The following ZMYM4 variants were observed in gnomAD, a reference collection of about 807,000 sequenced individuals.
The protein encoded by ZMYM4 is zinc finger MYM-type containing 4.
A neutral mutation model predicts 183.2 loss-of-function variants in ZMYM4; 31 were observed. That is an observed-to-expected ratio of 0.17 (90% CI 0.13 to 0.23). The LOEUF (loss-of-function observed/expected upper bound fraction) is 0.23. ZMYM4 is among the 10% of genes least tolerant of loss of function. ZMYM4 has a pLI of 1.00. For missense variants in ZMYM4, 1,273 were observed against 1,840.3 expected (o/e 0.69, Z 5.64); for synonymous variants, 592 against 631.2 (o/e 0.94, Z 0.93).
rs370568857 is a variant in ZMYM4, at chr1:35,295,552, C to G, written c.39+26467C>G. Among the ~76,000 whole-genome samples the G allele has an allele frequency of 2.1e-4, 32 of 152,282 alleles. No individual in the cohort carries two copies. In the East Asian group the frequency reaches 5.2e-3, roughly 25 times the overall value. On this transcript the variant is annotated intron_variant, in intron 1 of 29. Transcript: ENST00000314607. Reference sequence around the variant, plus strand: ...ACGTTTCAGCATCCCTGGTTTCTATCTACTAGATTTCAACAGCACACCCAA... The same window carrying G: ...ACGTTTCAGCATCCCTGGTTTCTATGTACTAGATTTCAACAGCACACCCAA...
chr1:35,342,301 T>A (rs1178493236), intron 2 of ZMYM4, among the ~76,000 whole-genome samples: 1 of 151,456 alleles, frequency 6.6e-6, no homozygotes, highest in African/African-American at 2.4e-5. Context: ...ACCACAGGCA[T>A]GTGCCACCAT....
intron 23 of ZMYM4, among the ~76,000 whole-genome samples, chr1:35,401,823 G>A (rs780877686): frequency 1.3e-5 from 2 of 152,048 alleles, no homozygotes; most frequent in Admixed American, 6.6e-5. Flanking sequence ...TTTTGAATAT[G>A]GACATCCAGT....
intron 1 of ZMYM4, among the ~76,000 whole-genome samples, chr1:35,324,658 T>C (rs964460945): frequency 6.6e-6 from 1 of 152,208 alleles, no homozygotes; most frequent in Non-Finnish European, 1.5e-5. Context: ...CTTCTTACAG[T>C]AGGCAAGGTT....
At chr1:35,397,052 G>A in intron 19 of ZMYM4, 1 of 1,029,090 alleles carries the variant, frequency 9.7e-7, no homozygotes, top group Non-Finnish European at 1.2e-6. Flanking sequence ...TTTTTCCCAG[G>A]TACTGAGTCC....
intron 25 of ZMYM4, among the ~76,000 whole-genome samples, chr1:35,406,037 T>A (rs1644997267): frequency 6.6e-6 from 1 of 152,258 alleles, no homozygotes; most frequent in African/African-American, 2.4e-5. Context: ...GTAAAATACT[T>A]ATACAATCTT....
At chr1:35,366,899 C>A (rs1258517985) in intron 5 of ZMYM4, among the ~76,000 whole-genome samples, 3 of 151,876 alleles carry the variant, frequency 2.0e-5, no homozygotes, top group African/African-American at 7.3e-5. Context: ...TGGTGCATGC[C>A]TGTAATCACA....
Position 35,421,451 on chromosome 1 carries a change from G to A in ZMYM4, c.*1774G>A, listed in dbSNP as rs1421895088. The A allele has an allele frequency of 6.6e-6, 1 of 152,572 alleles. No individual in the cohort carries two copies. The highest frequency in any genetic ancestry group is 1.5e-5 in the Non-Finnish European group (1 of 68,022). 9.5% of individuals were successfully genotyped at this position (152,572 alleles called of 1,614,324 possible). A position where few individuals can be genotyped will look rare whatever the true frequency, so the allele number is the denominator to read the frequency against. ...TCTGCCAATAAACTATCCAGAAATA[G>A]CAAGTGTAATAGTCCCCACTATACG... On this transcript the variant is annotated 3_prime_UTR_variant, in exon 30 of 30. Coordinates refer to ENST00000314607, the MANE Select transcript of ZMYM4 (RefSeq NM_005095.3).
At chr1:35,270,725 C>G (rs923174200) in intron 1 of ZMYM4, among the ~76,000 whole-genome samples, 1 of 152,096 alleles carries the variant, frequency 6.6e-6, no homozygotes, top group East Asian at 1.9e-4. Context: ...AGCAGTGAGC[C>G]GAGATCGTGC....
intron 1 of ZMYM4, among the ~76,000 whole-genome samples, chr1:35,302,368 G>A (rs1641328016): frequency 6.8e-6 from 1 of 147,984 alleles, no homozygotes; most frequent in East Asian, 2.0e-4. Context: ...CAGCGGACTG[G>A]CTAATTTGAC....
chr1:35,323,476 G>A (rs1291141157), intron 1 of ZMYM4, among the ~76,000 whole-genome samples: 2 of 152,160 alleles, frequency 1.3e-5, no homozygotes, highest in Non-Finnish European at 2.9e-5. Flanking sequence ...ATTCTTCTCA[G>A]TGTAGGCAGA....
intron 1 of ZMYM4, among the ~76,000 whole-genome samples, chr1:35,297,528 C>G (rs1013440557): frequency 6.6e-6 from 1 of 152,018 alleles, no homozygotes; most frequent in Non-Finnish European, 1.5e-5. Context: ...TGAAAGGTCT[C>G]TCTTTCTCTG....
In ZMYM4 at chr1:35,393,748, C is replaced by T. The variant is rs754535076; in HGVS notation, c.2911+9C>T. 8.3e-6 allele frequency: 13 copies of T among 1,573,170 alleles called. No homozygotes were observed. In the South Asian group the frequency reaches 1.6e-4, roughly 19 times the overall value. On this transcript the variant is annotated intron_variant, in intron 18 of 29. Transcript: ENST00000314607. ...CAAAGAATGCCAGACAGGTATGTTC[C>T]TTGGTCTTTCTTTCTTTATTAATTT... is the stretch of plus-strand genomic sequence containing the variant.
intron 1 of ZMYM4, 66 bp from the exon 2 acceptor site, chr1:35,325,294 A>C: frequency 2.1e-6 from 3 of 1,450,272 alleles, no homozygotes; most frequent in Non-Finnish European, 2.8e-6. Flanking sequence ...ATAGGGAGGG[A>C]TACCAAAAGA....
chr1:35,335,750 G>A (rs571824014), intron 2 of ZMYM4, among the ~76,000 whole-genome samples: 17 of 152,080 alleles, frequency 1.1e-4, no homozygotes, highest in African/African-American at 3.6e-4. Context: ...TCAGGAGCTC[G>A]AGACCATCCT....
At chr1:35,339,809 A>C (rs1643130007) in intron 2 of ZMYM4, among the ~76,000 whole-genome samples, 1 of 152,156 alleles carries the variant, frequency 6.6e-6, no homozygotes, top group South Asian at 2.1e-4. Context: ...TTTATTTACT[A>C]TTATAAGGCT....
chr1:35,282,301 G>A (rs930897962), intron 1 of ZMYM4, among the ~76,000 whole-genome samples: 2 of 152,228 alleles, frequency 1.3e-5, no homozygotes, highest in African/African-American at 4.8e-5. Context: ...CCTTTTGTAA[G>A]TCTCTTTGCC....
At chr1:35,281,873 G>T (rs941124447) in intron 1 of ZMYM4, among the ~76,000 whole-genome samples, 2 of 152,068 alleles carry the variant, frequency 1.3e-5, no homozygotes, top group Admixed American at 1.3e-4. Flanking sequence ...CTATGAAGTT[G>T]CCTATTCTAG....
intron 1 of ZMYM4, among the ~76,000 whole-genome samples, chr1:35,273,074 T>G (rs571131273): frequency 1.3e-5 from 2 of 152,316 alleles, no homozygotes; most frequent in South Asian, 4.1e-4. Flanking sequence ...GCCTGCCTGA[T>G]GTCTTGTTTT....
Position 35,352,259 on chromosome 1 carries a change from A to ACACGCGCG in ZMYM4, c.86-6665_86-6664insACGCGCGC, listed in dbSNP as rs1202948196. 1.9e-4 allele frequency among the ~76,000 whole-genome samples: 15 copies of ACACGCGCG among 77,610 alleles called. 1 individual carries two copies. The highest frequency in any genetic ancestry group is 1.1e-3 in the African/African-American group (15 of 14,234). The allele number at this position is 77,610 out of a possible 152,430, so 50.9% of individuals were successfully genotyped here. On this transcript the variant is annotated intron_variant, in intron 2 of 29. Coordinates refer to ENST00000314607, the MANE Select transcript of ZMYM4 (RefSeq NM_005095.3). Reference sequence around the variant, plus strand: ...ACTAATAATTTAAAAATTAGCGCGCACGCGCGCGCGCACACACACACACAC... The same window carrying ACACGCGCG: ...ACTAATAATTTAAAAATTAGCGCGCACACGCGCGCGCGCGCGCGCACACACACACACAC...
Sources: gnomAD v4.1 joint callset for allele counts (sites outside exome capture counted in the v4.1 genomes callset) on GRCh38, gnomAD v4.1.1 for gene constraint, MANE v1.5 for transcripts, NCBI Gene and HGNC (gene_info 2026-07-23, HGNC 2026-07-21) for gene names.